SLC10A7: variants seen among roughly 807,000 people sequenced by gnomAD.
The protein encoded by SLC10A7 is sodium/bile acid cotransporter 7.
A neutral mutation model predicts 43.2 loss-of-function variants in SLC10A7; 29 were observed. The ratio of observed to expected loss-of-function variants is 0.67; its 90% CI spans 0.50 to 0.92. The LOEUF (loss-of-function observed/expected upper bound fraction) is 0.92, where lower values mean the gene tolerates loss of function less well. Among genes scored for constraint, SLC10A7 ranks in the 40% least tolerant of loss-of-function variants. The probability of loss-of-function intolerance (pLI) is 0.00; values close to 1 mark genes in which losing one functional copy is unlikely to be tolerated. For missense variants in SLC10A7, 295 were observed against 403.2 expected (o/e 0.73, Z 2.30); for synonymous variants, 152 against 144.8 (o/e 1.05, Z -0.35).
At chr4:146,408,078 G>C (rs1437957557) in intron 5 of SLC10A7, among the ~76,000 whole-genome samples, 1 of 152,060 alleles carries the variant, frequency 6.6e-6, no homozygotes, top group Admixed American at 6.6e-5. Context: ...GCAACATTAG[G>C]GAAAGTCAGC....
chr4:146,333,889 A>T (rs903778252), intron 5 of SLC10A7, among the ~76,000 whole-genome samples: 3 of 152,098 alleles, frequency 2.0e-5, no homozygotes, highest in African/African-American at 7.2e-5. Flanking sequence ...GCTAAGCAGG[A>T]GGCTATTCAG....
At chr4:146,501,976 T>C (rs1736458808) in intron 4 of SLC10A7, among the ~76,000 whole-genome samples, 1 of 152,108 alleles carries the variant, frequency 6.6e-6, no homozygotes, top group Admixed American at 6.5e-5. Flanking sequence ...AGTCACAGAC[T>C]AGGAAAAAAT....
In SLC10A7 at chr4:146,312,281, T is replaced by C. The variant is rs1263791532; in HGVS notation, c.472-6272A>G. On this transcript the variant is annotated intron_variant, in intron 6 of 11. Transcript: ENST00000335472. ...TTGTTTATATGCTAGCTACTGTTCT[T>C]TTCTTAGTTTTATTGAGGTATAATT... Among the ~76,000 whole-genome samples the C allele has an allele frequency of 1.3e-5, 2 of 152,162 alleles. 1 individual carries two copies. The highest frequency in any genetic ancestry group is 2.9e-5 in the Non-Finnish European group (2 of 68,018).
intron 5 of SLC10A7, among the ~76,000 whole-genome samples, chr4:146,405,204 C>A (rs1333684803): frequency 6.6e-6 from 1 of 152,194 alleles, no homozygotes; most frequent in Non-Finnish European, 1.5e-5. Flanking sequence ...AATGCCCCTT[C>A]AACTTTCTAT....
At chr4:146,335,251 TAAAAAAAAA>T (rs34522588) in intron 5 of SLC10A7, among the ~76,000 whole-genome samples, 10 of 92,652 alleles carry the variant, frequency 1.1e-4, no homozygotes, top group East Asian at 6.7e-4. Flanking sequence ...ACAGATGTTG[TAAAAAAAAA>T]AAAAAAAAAA....
At chr4:146,506,514 A>G (rs1171077180) in intron 3 of SLC10A7, among the ~76,000 whole-genome samples, 1 of 152,176 alleles carries the variant, frequency 6.6e-6, no homozygotes, top group African/African-American at 2.4e-5. Flanking sequence ...ATGGCCCCAG[A>G]GACCATTCTC....
At chr4:146,256,710 G>T in intron 11 of SLC10A7, 190 bp from the exon 12 acceptor site, 2 of 932,902 alleles carry the variant, frequency 2.1e-6, no homozygotes, top group South Asian at 1.6e-5. Context: ...AGCAGACTTT[G>T]TCATTTCCCC....
chr4:146,256,771 A>G, intron 11 of SLC10A7: 1 of 1,341,154 alleles, frequency 7.5e-7, no homozygotes, highest in South Asian at 1.3e-5. Flanking sequence ...ACTAGATGGT[A>G]GCCTTGGGTC....
chr4:146,316,516 T>G (rs1732336263), intron 6 of SLC10A7, among the ~76,000 whole-genome samples: 2 of 152,044 alleles, frequency 1.3e-5, no homozygotes, highest in African/African-American at 4.8e-5. Flanking sequence ...AAAGCAGGCC[T>G]TTACCAGACA....
chr4:146,291,371 T>C (rs1730433114), intron 9 of SLC10A7, among the ~76,000 whole-genome samples: 1 of 152,222 alleles, frequency 6.6e-6, no homozygotes, highest in Non-Finnish European at 1.5e-5. Flanking sequence ...TGCTTCAAAT[T>C]ACATCAATCA....
At chr4:146,283,679 A>G (rs1307114798) in intron 9 of SLC10A7, among the ~76,000 whole-genome samples, 1 of 152,198 alleles carries the variant, frequency 6.6e-6, no homozygotes, top group Non-Finnish European at 1.5e-5. Flanking sequence ...CACACACTTA[A>G]GAATACAGGG....
chr4:146,254,424 G>C lies in SLC10A7; in HGVS notation c.*2067C>G, dbSNP rs973547684. 3.3e-5 allele frequency: 5 copies of C among 151,934 alleles called. No individual in the cohort carries two copies. Among genetic ancestry groups the C allele is most frequent in the South Asian group, 2.1e-4 (1 of 4,812 alleles). 9.4% of individuals were successfully genotyped at this position (151,934 alleles called of 1,614,324 possible). A position where few individuals can be genotyped will look rare whatever the true frequency, so the allele number is the denominator to read the frequency against. On this transcript the variant is annotated 3_prime_UTR_variant, in exon 12 of 12. Transcript: ENST00000335472. ...TAAGCATGAATTAAAAATAAATTTT[G>C]ATTTTATTTTTTGTTCTTTATGAAA...
chr4:146,394,148 C>G (rs914646471), intron 5 of SLC10A7, among the ~76,000 whole-genome samples: 1 of 152,024 alleles, frequency 6.6e-6, no homozygotes, highest in African/African-American at 2.4e-5. Context: ...CCAATATCAC[C>G]GACTCTGGGG....
intron 4 of SLC10A7, among the ~76,000 whole-genome samples, chr4:146,477,236 G>A (rs534466068): frequency 1.5e-4 from 23 of 152,278 alleles, no homozygotes; most frequent in African/African-American, 4.3e-4. Flanking sequence ...GCGTTGTAGC[G>A]CTTAAAAGCT....
At chr4:146,482,015 C>T (rs1050204528) in intron 4 of SLC10A7, among the ~76,000 whole-genome samples, 2 of 152,204 alleles carry the variant, frequency 1.3e-5, no homozygotes, top group African/African-American at 4.8e-5. Context: ...CTGATCACAA[C>T]TAAAGAAGCT....
intron 4 of SLC10A7, among the ~76,000 whole-genome samples, chr4:146,482,589 A>AT (rs1357588416): frequency 6.6e-6 from 1 of 151,622 alleles, no homozygotes; most frequent in Non-Finnish European, 1.5e-5. Context: ...ATAAGAAAAA[A>AT]AAAAGGCAAA....
intron 1 of SLC10A7, 33 bp downstream of exon 1, chr4:146,521,585 C>T (rs560313083): frequency 1.3e-6 from 2 of 1,571,296 alleles, no homozygotes; most frequent in Non-Finnish European, 1.7e-6. Flanking sequence ...GAAGTGGGAG[C>T]CGCGGTGGAG....
intron 5 of SLC10A7, among the ~76,000 whole-genome samples, chr4:146,392,604 C>T (rs1283542011): frequency 1.3e-5 from 2 of 152,212 alleles, no homozygotes; most frequent in South Asian, 2.1e-4. Context: ...TCATTGTTGT[C>T]CCAGGGCTCA....
At chr4:146,272,815 TTAA>T (rs199946311) in intron 10 of SLC10A7, among the ~76,000 whole-genome samples, 1 of 151,960 alleles carries the variant, frequency 6.6e-6, no homozygotes, top group Non-Finnish European at 1.5e-5. Context: ...TTTCTAAATA[TTAA>T]TAATAATAAT....
Sources: allele counts gnomAD v4.1 joint callset (sites outside exome capture counted in the v4.1 genomes callset), GRCh38; gene constraint gnomAD v4.1.1; transcripts MANE v1.5; gene names NCBI Gene and HGNC (gene_info 2026-07-23, HGNC 2026-07-21).